Variants in OPCML observed in about 807,000 individuals in gnomAD.
OPCML encodes opioid-binding protein/cell adhesion molecule.
Under a neutral mutation model 37.8 loss-of-function variants are expected in OPCML, and 13 were observed. The observed-to-expected ratio is 0.34, with a 90% confidence interval of 0.22 to 0.55. The LOEUF is 0.55. Among genes scored for constraint, OPCML ranks in the 20% least tolerant of loss-of-function variants. OPCML has a pLI of 0.91. For synonymous variants in OPCML, 176 were observed against 168.8 expected, an observed-to-expected ratio of 1.04 and a Z score of -0.33; for missense variants, 341 against 435.6, an observed-to-expected ratio of 0.78 and a Z score of 1.93.
chr11:133,158,304 T>G (rs1182366117), intron 1 of OPCML, among the ~76,000 whole-genome samples: 1 of 152,182 alleles, frequency 6.6e-6, no homozygotes, highest in Non-Finnish European at 1.5e-5. Flanking sequence ...GAGGCTTAGT[T>G]GAGAAACCCA....
chr11:133,362,011 T>C (rs1471859394), intron 1 of OPCML: 1 of 152,340 alleles, frequency 6.6e-6, no homozygotes, highest in African/African-American at 2.4e-5. Context: ...CCGGAGAAAA[T>C]GGTGTCCTTC....
chr11:132,697,861 G>A (rs1019200309), intron 2 of OPCML, among the ~76,000 whole-genome samples: 9 of 151,980 alleles, frequency 5.9e-5, no homozygotes, highest in Non-Finnish European at 1.0e-4. Context: ...GTCCTCCGGG[G>A]CTCAAGTAAT....
At chr11:133,289,571 G>A (rs1248269744) in intron 1 of OPCML, among the ~76,000 whole-genome samples, 1 of 144,428 alleles carries the variant, frequency 6.9e-6, no homozygotes, top group Non-Finnish European at 1.5e-5. Context: ...CTCCAGCCTG[G>A]GCGACAGAGC....
chr11:132,740,827 A>G (rs1466754715), intron 2 of OPCML, among the ~76,000 whole-genome samples: 2 of 152,202 alleles, frequency 1.3e-5, no homozygotes, highest in African/African-American at 4.8e-5. Context: ...ATTCCAAAGT[A>G]TTTATGGATT....
chr11:133,416,087 A>C (rs1945757745), intron 1 of OPCML, among the ~76,000 whole-genome samples: 1 of 152,198 alleles, frequency 6.6e-6, no homozygotes, highest in Admixed American at 6.5e-5. Flanking sequence ...ATAAGATAGT[A>C]AGTGTCTGCT....
chr11:132,804,277 T>C (rs758352956), intron 2 of OPCML, among the ~76,000 whole-genome samples: 1 of 152,154 alleles, frequency 6.6e-6, no homozygotes, highest in Non-Finnish European at 1.5e-5. Flanking sequence ...AAGTCGGAGT[T>C]AAAGCAGAGT....
chr11:132,931,719 A>C (rs751314945), intron 2 of OPCML, among the ~76,000 whole-genome samples: 12 of 152,210 alleles, frequency 7.9e-5, no homozygotes, highest in African/African-American at 2.4e-5. Context: ...GAGAATATAA[A>C]ATGACTCTAC....
chr11:133,094,121 G>T (rs1012630790), intron 1 of OPCML, among the ~76,000 whole-genome samples: 16 of 152,036 alleles, frequency 1.1e-4, no homozygotes, highest in Non-Finnish European at 1.5e-4. Flanking sequence ...AAAAAAATAT[G>T]CAGGTGCAGC....
intron 1 of OPCML, among the ~76,000 whole-genome samples, chr11:133,255,661 C>G (rs1941288960): frequency 6.6e-6 from 1 of 152,192 alleles, no homozygotes; most frequent in East Asian, 1.9e-4. Flanking sequence ...TTGCAAAGGC[C>G]TATTCTCAGA....
rs1194784167 is a variant in OPCML, at chr11:132,704,129, G to C, written c.147-46810C>G. Among the ~76,000 whole-genome samples the C allele has an allele frequency of 3.3e-5, 5 of 152,126 alleles. No homozygotes were observed. In the South Asian group the frequency reaches 8.3e-4, roughly 25 times the overall value. On this transcript the variant is annotated intron_variant, in intron 2 of 7. Coordinates refer to ENST00000524381, the MANE Select transcript of OPCML (RefSeq NM_001012393.5). ...CTAGTGTAGTCCTGGAGAAAACCTA[G>C]AGCCTGAGTCCACAGGAGCCAGTTT... is the stretch of plus-strand genomic sequence containing the variant.
At chr11:132,836,597 T>C (rs1941013618) in intron 2 of OPCML, among the ~76,000 whole-genome samples, 1 of 152,202 alleles carries the variant, frequency 6.6e-6, no homozygotes, top group South Asian at 2.1e-4. Context: ...GTTTTACGAA[T>C]ATTACACTAG....
intron 2 of OPCML, among the ~76,000 whole-genome samples, chr11:132,706,407 C>T (rs987363953): frequency 2.0e-5 from 3 of 152,164 alleles, no homozygotes; most frequent in Non-Finnish European, 2.9e-5. Context: ...CAGGGTTCCA[C>T]GACTCTCAGT....
intron 2 of OPCML, among the ~76,000 whole-genome samples, chr11:132,691,605 C>G (rs1223011042): frequency 6.6e-6 from 1 of 152,140 alleles, no homozygotes; most frequent in Admixed American, 6.5e-5. Flanking sequence ...GTGACAGCAC[C>G]TGGTGTACTC....
At chr11:133,372,905 T>TA (rs1326582307) in intron 1 of OPCML, among the ~76,000 whole-genome samples, 1 of 152,216 alleles carries the variant, frequency 6.6e-6, no homozygotes. Context: ...CATTAGTTGT[T>TA]ACTTTACATA....
chr11:132,879,047 T>C (rs1367166731), intron 2 of OPCML, among the ~76,000 whole-genome samples: 1 of 152,240 alleles, frequency 6.6e-6, no homozygotes, highest in Non-Finnish European at 1.5e-5. Flanking sequence ...CATTTTTCAG[T>C]ATGTCCTGTT....
Position 133,174,521 on chromosome 11 carries a change from T to C in OPCML, c.62-231511A>G, listed in dbSNP as rs563799297. 3.3e-5 allele frequency among the ~76,000 whole-genome samples: 5 copies of C among 151,916 alleles called. No individual in the cohort carries two copies. The highest frequency in any genetic ancestry group is 7.4e-5 in the Non-Finnish European group (5 of 67,998). ...TTATGAACATTACGATTTATAATAGTGGAGGACTGGAAGCAACCTGCATAC... is the reference window on the plus strand; with the variant it reads ...TTATGAACATTACGATTTATAATAGCGGAGGACTGGAAGCAACCTGCATAC... On this transcript the variant is annotated intron_variant, in intron 1 of 7. Coordinates refer to ENST00000524381, the MANE Select transcript of OPCML (RefSeq NM_001012393.5). This position sits in a 1 kb window ranked among gnomAD's most constrained non-coding sequence, Gnocchi z 4.6.
intron 2 of OPCML, among the ~76,000 whole-genome samples, chr11:132,911,893 C>G (rs1040097850): frequency 2.6e-5 from 4 of 152,308 alleles, no homozygotes; most frequent in Non-Finnish European, 5.9e-5. Context: ...CAGGGACACA[C>G]AGGAGCTTAG....
chr11:133,199,081 G>A (rs1359870792), intron 1 of OPCML, among the ~76,000 whole-genome samples: 2 of 152,128 alleles, frequency 1.3e-5, no homozygotes, highest in African/African-American at 4.8e-5. Context: ...AAGGAGAAGT[G>A]TTAAGCTGGC....
chr11:133,393,976 C>A (rs1420401136), intron 1 of OPCML, among the ~76,000 whole-genome samples: 1 of 152,196 alleles, frequency 6.6e-6, no homozygotes, highest in Non-Finnish European at 1.5e-5. Context: ...GAAGTCCTCT[C>A]TTCACCATTC....
Sources: allele counts gnomAD v4.1 joint callset (sites outside exome capture counted in the v4.1 genomes callset), GRCh38; gene constraint gnomAD v4.1.1; non-coding constraint Gnocchi (gnomAD v3.1); transcripts MANE v1.5; gene names NCBI Gene and HGNC (gene_info 2026-07-23, HGNC 2026-07-21).